DGKI: variants seen among roughly 807,000 people sequenced by gnomAD.
The protein encoded by DGKI is DAG kinase iota.
In DGKI, 55 loss-of-function variants were observed where a neutral mutation model predicts 147.5. That is an observed-to-expected ratio of 0.37 (90% confidence interval 0.30 to 0.47). The LOEUF (loss-of-function observed/expected upper bound fraction) is 0.47. DGKI is among the 20% of genes least tolerant of loss of function. DGKI has a pLI of 1.00. For synonymous variants in DGKI, 469 were observed against 477.1 expected (o/e 0.98, Z 0.22); for missense variants, 1,007 against 1,323.8 (o/e 0.76, Z 3.71).
At position 137,722,290 on chromosome 7, in the gene DGKI, G is replaced by A. The variant is rs150397020; in HGVS notation, c.402-32288C>T. On this transcript the variant is annotated intron_variant, in intron 1 of 32. Coordinates refer to ENST00000614521, the MANE Select transcript of DGKI (RefSeq NM_001321708.2). ...AAAACCAGTTGGTGGTGACAAGAAC[G>A]GCAGTACCCGGGTGGTTAAACTTCG... 11,905 of 1,611,550 alleles carry A rather than the reference G, an allele frequency of 7.4e-3. 60 individuals carry two copies. The highest frequency in any genetic ancestry group is 8.8e-3 in the Non-Finnish European group (10,320 of 1,178,024).
chr7:137,622,797 T>C (rs1055026208), intron 7 of DGKI, among the ~76,000 whole-genome samples: 5 of 151,976 alleles, frequency 3.3e-5, no homozygotes, highest in Admixed American at 2.0e-4. Context: ...AATAAGAAAA[T>C]GTAGCATCTG....
At chr7:137,711,549 C>T (rs1441079532) in intron 1 of DGKI, among the ~76,000 whole-genome samples, 2 of 152,072 alleles carry the variant, frequency 1.3e-5, no homozygotes, top group Non-Finnish European at 2.9e-5. Context: ...GCAAATAGAG[C>T]TATACTATGT....
At chr7:137,439,770 A>G (rs928442245) in intron 28 of DGKI, among the ~76,000 whole-genome samples, 18 of 152,092 alleles carry the variant, frequency 1.2e-4, no homozygotes, top group African/African-American at 4.4e-4. Flanking sequence ...ATTCATGTCC[A>G]CTATGTTACT....
chr7:137,690,447 G>A (rs1276084044), intron 1 of DGKI, among the ~76,000 whole-genome samples: 1 of 152,162 alleles, frequency 6.6e-6, no homozygotes, highest in Non-Finnish European at 1.5e-5. Context: ...TCTCCAAGCT[G>A]GTTACAGCTG....
intron 28 of DGKI, among the ~76,000 whole-genome samples, chr7:137,431,198 AACAG>A (rs1355038262): frequency 6.6e-6 from 1 of 152,164 alleles, no homozygotes; most frequent in Non-Finnish European, 1.5e-5. Flanking sequence ...GCAAACAGTT[AACAG>A]ACATAGTCAT....
intron 21 of DGKI, chr7:137,493,651 G>A: frequency 1.5e-6 from 1 of 676,276 alleles, no homozygotes. Flanking sequence ...CAAAGAAAAT[G>A]AAAGCAAACA....
intron 28 of DGKI, among the ~76,000 whole-genome samples, chr7:137,413,940 C>T (rs928627745): frequency 3.3e-5 from 5 of 152,204 alleles, no homozygotes; most frequent in Non-Finnish European, 7.3e-5. Flanking sequence ...GCCTCACCAA[C>T]ATCTGTTATT....
chr7:137,455,715 T>C (rs1212580528), intron 27 of DGKI, among the ~76,000 whole-genome samples: 1 of 150,644 alleles, frequency 6.6e-6, no homozygotes, highest in Non-Finnish European at 1.5e-5. Flanking sequence ...TGGAGATATC[T>C]CTTGTTCTGA....
chr7:137,439,967 C>T (rs1197127063), intron 28 of DGKI, among the ~76,000 whole-genome samples: 1 of 152,166 alleles, frequency 6.6e-6, no homozygotes, highest in African/African-American at 2.4e-5. Context: ...TGGAAGATGA[C>T]CTGCCCTGAG....
At chr7:137,463,413 G>C in intron 27 of DGKI, 76 bp downstream of exon 27, 1 of 1,567,662 alleles carries the variant, frequency 6.4e-7, no homozygotes, top group Non-Finnish European at 8.7e-7. Flanking sequence ...CCTGACCACT[G>C]GGGCACAGCC....
intron 1 of DGKI, among the ~76,000 whole-genome samples, chr7:137,700,747 G>A (rs554244591): frequency 3.9e-5 from 6 of 152,170 alleles, no homozygotes; most frequent in South Asian, 4.2e-4. Context: ...GCATGGTGGC[G>A]GGAGCCTATA....
At chr7:137,630,984 GGTTT>G (rs1043898582) in intron 6 of DGKI, among the ~76,000 whole-genome samples, 1 of 150,732 alleles carries the variant, frequency 6.6e-6, no homozygotes, top group Non-Finnish European at 1.5e-5. Flanking sequence ...CACAAAGCAG[GGTTT>G]TTTTTGAAAA....
chr7:137,402,531 T>G (rs1425451856), intron 30 of DGKI, among the ~76,000 whole-genome samples: 1 of 152,244 alleles, frequency 6.6e-6, no homozygotes, highest in Non-Finnish European at 1.5e-5. Context: ...ATACCCCAGC[T>G]CCCGCTGATG....
intron 1 of DGKI, among the ~76,000 whole-genome samples, chr7:137,829,746 T>C (rs1468254398): frequency 3.9e-5 from 6 of 152,224 alleles, no homozygotes; most frequent in Non-Finnish European, 8.8e-5. Context: ...CCACCAAATA[T>C]AGTTTTAGCC....
chr7:137,774,175 A>C (rs969068909), intron 1 of DGKI, among the ~76,000 whole-genome samples: 1 of 152,216 alleles, frequency 6.6e-6, no homozygotes, highest in African/African-American at 2.4e-5. Context: ...TTAAAATATA[A>C]CAGATTCAGG....
chr7:137,444,066 A>G lies in DGKI; in HGVS notation c.2761+11T>C. 1 of 1,562,684 alleles carries G rather than the reference A, an allele frequency of 6.4e-7. No homozygotes were observed. Among genetic ancestry groups the G allele is most frequent in the Non-Finnish European group, 8.7e-7 (1 of 1,153,674 alleles). ...TCCTGAATTGGTATAAATAAGACAG[A>G]TGATTCTTACCATGATCTTCTGAAG... On this transcript the variant is annotated intron_variant, in intron 28 of 32. Transcript: ENST00000614521.
intron 20 of DGKI, among the ~76,000 whole-genome samples, chr7:137,529,309 T>A (rs1409128526): frequency 1.3e-5 from 2 of 152,162 alleles, no homozygotes; most frequent in Non-Finnish European, 2.9e-5. Context: ...ATTACACTTG[T>A]ACTCCACAGA....
At chr7:137,450,062 T>C (rs1304486308) in intron 27 of DGKI, among the ~76,000 whole-genome samples, 1 of 152,124 alleles carries the variant, frequency 6.6e-6, no homozygotes, top group Non-Finnish European at 1.5e-5. Flanking sequence ...GTCTCACTCA[T>C]GTGGAATCTA....
chr7:137,799,791 C>T (rs1055377006), intron 1 of DGKI, among the ~76,000 whole-genome samples: 2 of 152,204 alleles, frequency 1.3e-5, no homozygotes, highest in African/African-American at 2.4e-5. Context: ...TCCCATACAA[C>T]TTAGATATTG....
Sources: gnomAD v4.1 joint callset for allele counts (sites outside exome capture counted in the v4.1 genomes callset) on GRCh38, gnomAD v4.1.1 for gene constraint, MANE v1.5 for transcripts, NCBI Gene and HGNC (gene_info 2026-07-23, HGNC 2026-07-21) for gene names.